The following SLC39A12 variants were observed in gnomAD, a reference collection of about 807,000 sequenced individuals.
SLC39A12 encodes the protein zinc transporter ZIP12.
In SLC39A12, 63 loss-of-function variants were observed where a neutral mutation model predicts 71.1. The ratio of observed to expected loss-of-function variants is 0.89; its 90% CI spans 0.72 to 1.09. The LOEUF is 1.09. Ranked by LOEUF, SLC39A12 falls within the 50% of genes least tolerant of loss-of-function variation. SLC39A12 has a pLI of 0.00. For synonymous variants in SLC39A12, 351 were observed against 301.3 expected (o/e 1.16, Z -1.71); for missense variants, 892 against 812.6 (o/e 1.10, Z -1.19).
At chr10:17,961,947 C>T in intron 3 of SLC39A12, 85 bp downstream of exon 3, 1 of 1,351,764 alleles carries the variant, frequency 7.4e-7, no homozygotes, top group Non-Finnish European at 1.0e-6. Flanking sequence ...ATTTCTAAGA[C>T]ATTCAAGGAC....
chr10:18,034,663 G>T (rs1228602573), intron 12 of SLC39A12, among the ~76,000 whole-genome samples: 5 of 151,232 alleles, frequency 3.3e-5, no homozygotes, highest in Non-Finnish European at 7.4e-5. Flanking sequence ...AGTTAATATT[G>T]TTATGTGTGA....
chr10:18,039,506 T>C (rs1837158988), intron 12 of SLC39A12, among the ~76,000 whole-genome samples: 1 of 152,178 alleles, frequency 6.6e-6, no homozygotes, highest in Non-Finnish European at 1.5e-5. Flanking sequence ...GGCAGGAAGA[T>C]CAGTTGAGCC....
At chr10:18,042,458 C>CA (rs1486442685) in intron 12 of SLC39A12, among the ~76,000 whole-genome samples, 2,212 of 28,934 alleles carry the variant, frequency 0.076, 19 homozygotes, top group African/African-American at 0.097. Context: ...GACCCTGCCT[C>CA]AAAAGAAAAA....
intron 12 of SLC39A12, among the ~76,000 whole-genome samples, chr10:18,022,722 C>T (rs1163028012): frequency 1.3e-5 from 2 of 152,168 alleles, no homozygotes; most frequent in African/African-American, 2.4e-5. Flanking sequence ...TTTAGAGTTG[C>T]CAGGGTTCTT....
chr10:17,989,775 G>A lies in SLC39A12; in HGVS notation c.1270-1376G>A, dbSNP rs191930211. Among the ~76,000 whole-genome samples, 290 of 152,138 alleles carry A rather than the reference G, an allele frequency of 1.9e-3. 1 individual carries two copies. Among genetic ancestry groups the A allele is most frequent in the African/African-American group, 6.5e-3 (271 of 41,496 alleles). The stretch of plus-strand genomic sequence containing the variant: ...CTCTACTAAAAATCAAAAACTAGCC[G>A]GGTGTGGTGGTGGGCGCCTGTAACC... On this transcript the variant is annotated intron_variant, in intron 7 of 12. Transcript: ENST00000377369.
intron 12 of SLC39A12, among the ~76,000 whole-genome samples, chr10:18,037,167 A>G (rs1339959044): frequency 2.6e-5 from 4 of 152,172 alleles, no homozygotes; most frequent in South Asian, 4.1e-4. Context: ...CCTGTTTGGT[A>G]TCTTTTGCCT....
At chr10:18,039,243 C>G (rs1837151648) in intron 12 of SLC39A12, among the ~76,000 whole-genome samples, 1 of 152,062 alleles carries the variant, frequency 6.6e-6, no homozygotes, top group Admixed American at 6.6e-5. Context: ...GGAGAGGGAA[C>G]TACACAAGAT....
chr10:18,008,094 T>C (rs1836084057), intron 12 of SLC39A12, among the ~76,000 whole-genome samples: 1 of 152,192 alleles, frequency 6.6e-6, no homozygotes. Context: ...GTAGTGATAG[T>C]TTCAAGTTGA....
At chr10:18,019,120 T>C (rs1753607907) in intron 12 of SLC39A12, among the ~76,000 whole-genome samples, 1 of 152,148 alleles carries the variant, frequency 6.6e-6, no homozygotes, top group Admixed American at 6.5e-5. Flanking sequence ...GTGTGGGTTT[T>C]AGCTGACTGT....
intron 12 of SLC39A12, among the ~76,000 whole-genome samples, chr10:18,036,922 G>A (rs1374268264): frequency 6.6e-6 from 1 of 151,070 alleles, no homozygotes; most frequent in Non-Finnish European, 1.5e-5. Context: ...AAGTAGCTGG[G>A]ATGACAGGCA....
chr10:17,998,902 G>A (rs1259899967), intron 10 of SLC39A12, among the ~76,000 whole-genome samples: 2 of 152,078 alleles, frequency 1.3e-5, no homozygotes, highest in East Asian at 3.9e-4. Context: ...TCGAAACCAG[G>A]AAGTATCCTC....
At chr10:18,040,874 G>C (rs1318727410) in intron 12 of SLC39A12, among the ~76,000 whole-genome samples, 1 of 151,994 alleles carries the variant, frequency 6.6e-6, no homozygotes, top group African/African-American at 2.4e-5. Context: ...CTCTACTGGA[G>C]GTGATTTTTA....
chr10:17,972,840 A>G (rs115116448), intron 4 of SLC39A12, among the ~76,000 whole-genome samples: 2,058 of 151,856 alleles, frequency 0.014, 41 homozygotes, highest in African/African-American at 0.043. Flanking sequence ...TCCATTCAAT[A>G]TTATTATTGA....
At position 17,981,436 on chromosome 10, in the gene SLC39A12, A is replaced by G. The variant is rs1564645658; in HGVS notation, c.1049A>G (p.His350Arg). ...IIQQLLSCSC[H>R]LPKDQQAKLP... ...CAGCAGCTCCTCAGCTGCTCCTGCC[A>G]CTTACCCAAGGACCAACAAGCAAAG... The change falls in exon 6 of 13, where the codon CAC (histidine) becomes CGC (arginine). Residue 350 changes from histidine to arginine, a missense_variant. Transcript: ENST00000377369. 1 of 1,613,970 alleles carries G rather than the reference A, an allele frequency of 6.2e-7. No individual in the cohort carries two copies. The highest frequency in any genetic ancestry group is 8.5e-7 in the Non-Finnish European group (1 of 1,179,904).
chr10:17,953,282 C>T lies in SLC39A12; in HGVS notation c.6C>T (p.Cys2=). 1 of 1,613,934 alleles carries T rather than the reference C, an allele frequency of 6.2e-7. No homozygotes were observed. The highest frequency in any genetic ancestry group is 8.5e-7 in the Non-Finnish European group (1 of 1,179,884). Residue 2 remains cysteine (C), a synonymous_variant, in exon 2 of 13, where the codon TGC becomes TGT. Coordinates refer to ENST00000377369, the MANE Select transcript of SLC39A12 (RefSeq NM_001145195.2). The part of the protein sequence containing the change: M[C]FRTKLSVSWV... ...AAGGTGGAGGAAGCGTGGAAATGTG[C>T]TTCCGGACAAAGCTCTCAGTATCCT...
At chr10:18,012,865 C>CA (rs35173291) in intron 12 of SLC39A12, among the ~76,000 whole-genome samples, 15,535 of 104,026 alleles carry the variant, frequency 0.15, 1,410 homozygotes, top group African/African-American at 0.28. Flanking sequence ...GACTACGTCT[C>CA]AAAAAAAAAA....
At chr10:17,964,150 C>A (rs1834763151) in intron 3 of SLC39A12, among the ~76,000 whole-genome samples, 1 of 152,166 alleles carries the variant, frequency 6.6e-6, no homozygotes, top group South Asian at 2.1e-4. Flanking sequence ...CTCCTTTATC[C>A]TCTATGGTGT....
intron 6 of SLC39A12, 98 bp from the exon 7 acceptor site, chr10:17,987,381 C>G: frequency 9.7e-7 from 1 of 1,033,740 alleles, no homozygotes; most frequent in Non-Finnish European, 1.5e-6. Context: ...TCCCTACTGG[C>G]TGTTACTGTA....
intron 3 of SLC39A12, among the ~76,000 whole-genome samples, chr10:17,962,349 C>G (rs1295514287): frequency 6.6e-6 from 1 of 152,150 alleles, no homozygotes; most frequent in East Asian, 1.9e-4. Context: ...AGATGATATC[C>G]CTTTGTGGTT....
Sources: allele counts gnomAD v4.1 joint callset (sites outside exome capture counted in the v4.1 genomes callset), GRCh38; gene constraint gnomAD v4.1.1; transcripts MANE v1.5; gene names NCBI Gene and HGNC (gene_info 2026-07-23, HGNC 2026-07-21).